Variants in PRDM16 observed in about 807,000 individuals in gnomAD.
The protein encoded by PRDM16 is histone-lysine N-methyltransferase PRDM16.
PRDM16 carries 23 observed loss-of-function variants against 110.6 expected under a neutral mutation model. The observed-to-expected ratio is 0.21, with a 90% confidence interval of 0.15 to 0.29. The LOEUF (loss-of-function observed/expected upper bound fraction) is 0.29, where lower values mean the gene tolerates loss of function less well. Ranked by LOEUF, PRDM16 falls within the 10% of genes least tolerant of loss-of-function variation. The pLI, the probability that PRDM16 is intolerant of heterozygous loss-of-function variation, is 1.00. For synonymous variants in PRDM16, 799 were observed against 781.8 expected (o/e 1.02, Z -0.37); for missense variants, 1,615 against 1,794.3 (o/e 0.90, Z 1.81).
chr1:3,250,926 A>AG (rs1217622426), intron 3 of PRDM16, among the ~76,000 whole-genome samples: 1 of 152,182 alleles, frequency 6.6e-6, no homozygotes, highest in East Asian at 1.9e-4. Context: ...GAGGCAGGGC[A>AG]GGGGGCTGTG....
chr1:3,217,643 C>G (rs1569863268), intron 2 of PRDM16, among the ~76,000 whole-genome samples: 1 of 152,212 alleles, frequency 6.6e-6, no homozygotes, highest in Admixed American at 6.5e-5. Context: ...TGAGTGCACG[C>G]TGTCCAGAAG....
intron 1 of PRDM16, among the ~76,000 whole-genome samples, chr1:3,181,514 AGTCTTACACAAGCG>A (rs140106711): frequency 1.8e-5 from 1 of 55,190 alleles, no homozygotes; most frequent in African/African-American, 4.7e-5. Context: ...TTACACACGC[AGTCTTACACAAGCG>A]GTCTTACACA....
chr1:3,263,057 C>T (rs1024167149), intron 3 of PRDM16, among the ~76,000 whole-genome samples: 1 of 152,128 alleles, frequency 6.6e-6, no homozygotes, highest in Non-Finnish European at 1.5e-5. Flanking sequence ...TCTGGGCATG[C>T]AGCCTCTGGT....
rs148382319 is a variant in PRDM16, at chr1:3,399,866, G to A, written c.677-2925G>A. On this transcript the variant is annotated intron_variant, in intron 5 of 16. Coordinates refer to ENST00000270722, the MANE Select transcript of PRDM16 (RefSeq NM_022114.4). ...AAGCTGGCATTTCTAACTGAATCAC[G>A]ATGCTGGCTGGAGGCCCCATCTCAG... Among the ~76,000 whole-genome samples, 75 of 152,264 alleles carry A rather than the reference G, an allele frequency of 4.9e-4. 1 individual carries two copies. Among genetic ancestry groups the A allele is most frequent in the South Asian group, 3.9e-3 (19 of 4,828 alleles).
rs984766391 is a variant in PRDM16, at chr1:3,186,562, C to A, written c.387+88C>A. Reference sequence around the variant, plus strand: ...AAAGCCGGGCTGAGCAGCCACTGCCCGAGGCGGGAGGCGCGGCCAGAGAGA... The same window carrying A: ...AAAGCCGGGCTGAGCAGCCACTGCCAGAGGCGGGAGGCGCGGCCAGAGAGA... On this transcript the variant is annotated intron_variant, in intron 2 of 16. Transcript: ENST00000270722. 25 of 898,282 alleles carry A rather than the reference C, an allele frequency of 2.8e-5. No individual in the cohort carries two copies. The East Asian group carries it at 6.1e-4, about 22-fold the overall frequency. The allele number at this position is 898,282 out of a possible 1,614,324, so 55.6% of individuals were successfully genotyped here. A position where few individuals can be genotyped will look rare whatever the true frequency, so the allele number is the denominator to read the frequency against.
intron 1 of PRDM16, among the ~76,000 whole-genome samples, chr1:3,140,338 C>T (rs559327381): frequency 3.9e-5 from 6 of 152,264 alleles, no homozygotes; most frequent in Middle Eastern, 3.4e-3. Context: ...CCTTCTGAGC[C>T]GAGATGTGGC....
chr1:3,279,220 G>A (rs1335996093), intron 3 of PRDM16, among the ~76,000 whole-genome samples: 1 of 152,218 alleles, frequency 6.6e-6, no homozygotes, highest in Non-Finnish European at 1.5e-5. Context: ...CTGCCCAGGC[G>A]CAGGCCCTCG....
chr1:3,221,619 G>C (rs1639152277), intron 2 of PRDM16, among the ~76,000 whole-genome samples: 1 of 152,230 alleles, frequency 6.6e-6, no homozygotes, highest in Admixed American at 6.5e-5. Context: ...GGCAGGGGCA[G>C]CCTCTTGCAT....
At position 3,353,906 on chromosome 1, in the gene PRDM16, C is replaced by G. The variant is rs553877293; in HGVS notation, c.439-31246C>G. On this transcript the variant is annotated intron_variant, in intron 3 of 16. Transcript: ENST00000270722. This position sits in a 1 kb window ranked among gnomAD's most constrained non-coding sequence, Gnocchi z 5.4. ...GGTCTTTCTAGAAGCCAAGGGGGCC[C>G]TTGGCACACACATGTGGATGCAGGG... 2.0e-5 allele frequency among the ~76,000 whole-genome samples: 3 copies of G among 152,108 alleles called. No individual in the cohort carries two copies. The highest frequency in any genetic ancestry group is 7.2e-5 in the African/African-American group (3 of 41,426).
chr1:3,303,980 G>A (rs113647040), intron 3 of PRDM16, among the ~76,000 whole-genome samples: 3,157 of 127,552 alleles, frequency 0.025, 254 homozygotes, highest in African/African-American at 0.14. Flanking sequence ...GCTGGGGAGC[G>A]CAGGAGGCCA....
chr1:3,106,907 C>T (rs1005392371), intron 1 of PRDM16, among the ~76,000 whole-genome samples: 1 of 152,188 alleles, frequency 6.6e-6, no homozygotes, highest in Non-Finnish European at 1.5e-5. Context: ...TCCATGACAA[C>T]AGCGCCTGGG....
chr1:3,377,669 G>A (rs1403090604), intron 3 of PRDM16, among the ~76,000 whole-genome samples: 1 of 152,146 alleles, frequency 6.6e-6, no homozygotes, highest in African/African-American at 2.4e-5. Flanking sequence ...TTTAAGCAGC[G>A]ATCAGGCAGG....
In PRDM16 at chr1:3,358,154, C is replaced by G. The variant is rs538715043; in HGVS notation, c.439-26998C>G. Among the ~76,000 whole-genome samples, 1 of 152,222 alleles carries G rather than the reference C, an allele frequency of 6.6e-6. No individual in the cohort carries two copies. Among genetic ancestry groups the G allele is most frequent in the Non-Finnish European group, 1.5e-5 (1 of 68,038 alleles). The stretch of plus-strand genomic sequence containing the variant: ...GCCATGACCCCCTTGCCCAGGGCAA[C>G]GTGGACCACACAGACACGGTGCAAT... On this transcript the variant is annotated intron_variant, in intron 3 of 16. Transcript: ENST00000270722. This position sits in a 1 kb window ranked among gnomAD's most constrained non-coding sequence, Gnocchi z 4.0.
intron 2 of PRDM16, among the ~76,000 whole-genome samples, chr1:3,225,574 G>GTGTGTGTGTGCGCGCGCGCA: frequency 1.5e-5 from 2 of 135,116 alleles, no homozygotes; most frequent in African/African-American, 3.4e-5. Flanking sequence ...GTGTGTGTGT[G>GTGTGTGTGTGCGCGCGCGCA]CGCGCGCGCA....
rs1163334893 is a variant in PRDM16, at chr1:3,114,189, A to ACACGCACACG, written c.37+44903_37+44912dup. Among the ~76,000 whole-genome samples, 7 of 86,488 alleles carry ACACGCACACG rather than the reference A, an allele frequency of 8.1e-5. 1 individual carries two copies. The highest frequency in any genetic ancestry group is 2.3e-4 in the African/African-American group (5 of 22,062). The allele number at this position is 86,488 out of a possible 152,430, so 56.7% of individuals were successfully genotyped here. A position where few individuals can be genotyped will look rare whatever the true frequency, so the allele number is the denominator to read the frequency against. ...CGCACACACACGCACACACACGCAC[A>ACACGCACACG]CACGCACACGCACGCACACACGCAC... On this transcript the variant is annotated intron_variant, in intron 1 of 16. Coordinates refer to ENST00000270722, the MANE Select transcript of PRDM16 (RefSeq NM_022114.4).
At chr1:3,412,823 T>A in intron 9 of PRDM16, 23 bp downstream of exon 9, 1 of 1,430,910 alleles carries the variant, frequency 7.0e-7, no homozygotes, top group Non-Finnish European at 9.2e-7. Flanking sequence ...CCAGCCTCAC[T>A]GGCTCTCCCT....
chr1:3,250,465 C>T (rs1053681182), intron 3 of PRDM16, among the ~76,000 whole-genome samples: 8 of 152,090 alleles, frequency 5.3e-5, no homozygotes, highest in Non-Finnish European at 1.2e-4. Flanking sequence ...CTTTTGCCGC[C>T]GCCCCCCCAC....
rs977817745 is a variant in PRDM16, at chr1:3,175,770, G to T, written c.38-10355G>T. On this transcript the variant is annotated intron_variant, in intron 1 of 16. Transcript: ENST00000270722. The surrounding 1 kb of genome is among the most constrained non-coding windows in gnomAD (Gnocchi z 4.8). ...AAACCAGCCCTTTCTCCGAGGCAGG[G>T]CCTGGCTGAGAAAGCCCAGACGTTC... 3.9e-5 allele frequency among the ~76,000 whole-genome samples: 6 copies of T among 152,178 alleles called. No homozygotes were observed.
At chr1:3,360,681 G>T (rs944008141) in intron 3 of PRDM16, among the ~76,000 whole-genome samples, 6 of 152,222 alleles carry the variant, frequency 3.9e-5, no homozygotes, top group South Asian at 2.1e-4. Context: ...AGAAGGCTAC[G>T]TGGGCCTCTG....
Sources: allele counts gnomAD v4.1 joint callset (sites outside exome capture counted in the v4.1 genomes callset), GRCh38; gene constraint gnomAD v4.1.1; non-coding constraint Gnocchi (gnomAD v3.1); transcripts MANE v1.5; gene names NCBI Gene and HGNC (gene_info 2026-07-23, HGNC 2026-07-21).